Variants in PTPRZ1 observed in about 807,000 individuals in gnomAD.
PTPRZ1 encodes receptor-type tyrosine-protein phosphatase zeta.
A neutral mutation model predicts 214.1 loss-of-function variants in PTPRZ1; 82 were observed. The ratio of observed to expected loss-of-function variants is 0.38; its 90% CI spans 0.32 to 0.46. The LOEUF (loss-of-function observed/expected upper bound fraction) is 0.46. Ranked by LOEUF, PTPRZ1 falls within the 20% of genes least tolerant of loss-of-function variation. The probability of loss-of-function intolerance (pLI) is 1.00; values close to 1 mark genes in which losing one functional copy is unlikely to be tolerated. For synonymous variants in PTPRZ1, 945 were observed against 987.9 expected, an observed-to-expected ratio of 0.96 and a Z score of 0.81; for missense variants, 2,603 against 2,748.7, an observed-to-expected ratio of 0.95 and a Z score of 1.19.
intron 3 of PTPRZ1, among the ~76,000 whole-genome samples, chr7:121,971,578 A>T (rs939191820): frequency 1.3e-5 from 2 of 152,110 alleles, no homozygotes; most frequent in Admixed American, 6.5e-5. Context: ...CCTTTCTGTG[A>T]CTCAATTTCC....
chr7:121,932,782 C>G (rs1186999534), intron 2 of PTPRZ1, among the ~76,000 whole-genome samples: 1 of 152,010 alleles, frequency 6.6e-6, no homozygotes, highest in African/African-American at 2.4e-5. Flanking sequence ...TATGAAGTAA[C>G]AATGTAAATC....
intron 2 of PTPRZ1, among the ~76,000 whole-genome samples, chr7:121,944,641 A>T (rs1796319345): frequency 2.0e-5 from 1 of 48,798 alleles, no homozygotes; most frequent in Admixed American, 2.9e-4. Context: ...ATACTTACAG[A>T]TTACATTTTT....
chr7:121,901,785 G>A (rs918233018), intron 1 of PTPRZ1, among the ~76,000 whole-genome samples: 8 of 152,104 alleles, frequency 5.3e-5, no homozygotes, highest in South Asian at 2.1e-4. Flanking sequence ...ACGTATATAC[G>A]TTGTATAATG....
intron 1 of PTPRZ1, among the ~76,000 whole-genome samples, chr7:121,918,656 T>A (rs1405232779): frequency 6.6e-6 from 1 of 152,144 alleles, no homozygotes; most frequent in Non-Finnish European, 1.5e-5. Context: ...CTTTCAGACA[T>A]TCTTTAAAGT....
intron 12 of PTPRZ1, among the ~76,000 whole-genome samples, chr7:122,018,616 G>A (rs777658488): frequency 4.6e-5 from 7 of 151,110 alleles, no homozygotes; most frequent in Non-Finnish European, 8.8e-5. Flanking sequence ...TGGATTGAAA[G>A]GTTATCCTAA....
chr7:121,923,984 G>A (rs908001348), intron 1 of PTPRZ1, among the ~76,000 whole-genome samples: 29 of 152,084 alleles, frequency 1.9e-4, no homozygotes, highest in African/African-American at 6.3e-4. Flanking sequence ...TAGTTAGGAG[G>A]TTAGAAAGCT....
chr7:121,937,747 C>T (rs1433264741), intron 2 of PTPRZ1, among the ~76,000 whole-genome samples: 1 of 152,080 alleles, frequency 6.6e-6, no homozygotes, highest in Non-Finnish European at 1.5e-5. Context: ...ATTCAGCTCC[C>T]TAATTTAGTA....
intron 1 of PTPRZ1, among the ~76,000 whole-genome samples, chr7:121,925,009 C>T (rs886798105): frequency 4.6e-5 from 7 of 152,112 alleles, no homozygotes; most frequent in East Asian, 3.9e-4. Flanking sequence ...CCTGCTGAGG[C>T]GGAGCACCTT....
At chr7:121,908,984 T>G (rs771341707) in intron 1 of PTPRZ1, 7 of 514,820 alleles carry the variant, frequency 1.4e-5, no homozygotes, top group African/African-American at 1.4e-4. Flanking sequence ...TATTGTCACA[T>G]TTTGGATTAT....
chr7:121,976,562 A>G (rs934849057), intron 5 of PTPRZ1, among the ~76,000 whole-genome samples: 1 of 152,138 alleles, frequency 6.6e-6, no homozygotes, highest in Non-Finnish European at 1.5e-5. Context: ...ATCAGTAACT[A>G]TGAATCATAA....
At chr7:121,882,184 A>G (rs148122665) in intron 1 of PTPRZ1, among the ~76,000 whole-genome samples, 4 of 152,288 alleles carry the variant, frequency 2.6e-5, no homozygotes, top group Non-Finnish European at 5.9e-5. Flanking sequence ...ATCATTTTTG[A>G]GCATCTTCCT....
chr7:121,917,097 G>A (rs1405647018), intron 1 of PTPRZ1, among the ~76,000 whole-genome samples: 2 of 152,066 alleles, frequency 1.3e-5, no homozygotes, highest in Non-Finnish European at 2.9e-5. Context: ...CACAGTTTCC[G>A]CTCACTTCAA....
intron 9 of PTPRZ1, 131 bp downstream of exon 9, chr7:121,996,697 G>A: frequency 1.5e-6 from 1 of 647,964 alleles, no homozygotes; most frequent in East Asian, 3.3e-5. Flanking sequence ...GGTAGGCTGA[G>A]TATTTTTAAA....
chr7:122,028,310 C>T, intron 13 of PTPRZ1: 1 of 349,018 alleles, frequency 2.9e-6, no homozygotes, highest in Non-Finnish European at 5.2e-6. Context: ...TCTGTCTGTG[C>T]TTTTAGCATG....
chr7:121,987,513 A>T (rs1157265823), intron 8 of PTPRZ1, among the ~76,000 whole-genome samples: 3 of 152,202 alleles, frequency 2.0e-5, no homozygotes, highest in Non-Finnish European at 4.4e-5. Context: ...GGACTAATTT[A>T]TATTCCCACC....
chr7:122,007,947 A>G (rs950144319), intron 11 of PTPRZ1, among the ~76,000 whole-genome samples: 76 of 152,152 alleles, frequency 5.0e-4, no homozygotes, highest in Non-Finnish European at 1.0e-4. Context: ...AGCGATCAAC[A>G]AGATATGGTA....
chr7:121,935,118 A>C (rs553304267), intron 2 of PTPRZ1, among the ~76,000 whole-genome samples: 2 of 152,360 alleles, frequency 1.3e-5, no homozygotes, highest in South Asian at 4.1e-4. Flanking sequence ...AGATAAATAA[A>C]TATGCTTAAC....
intron 8 of PTPRZ1, among the ~76,000 whole-genome samples, chr7:121,991,796 AG>A (rs1191265074): frequency 1.8e-4 from 27 of 152,366 alleles, no homozygotes; most frequent in African/African-American, 6.5e-4. Context: ...GTAATCATTC[AG>A]AAGTACAAAA....
intron 13 of PTPRZ1, among the ~76,000 whole-genome samples, chr7:122,022,174 G>A (rs1799036783): frequency 6.6e-6 from 1 of 152,120 alleles, no homozygotes; most frequent in Admixed American, 6.6e-5. Flanking sequence ...TTTTTAAACA[G>A]CTTAATTAGG....
Sources: gnomAD v4.1 joint callset for allele counts (sites outside exome capture counted in the v4.1 genomes callset) on GRCh38, gnomAD v4.1.1 for gene constraint, MANE v1.5 for transcripts, NCBI Gene and HGNC (gene_info 2026-07-23, HGNC 2026-07-21) for gene names.